The following ST18 variants were observed in gnomAD, a reference collection of about 807,000 sequenced individuals.
ST18 encodes the protein ST18 C2H2C-type zinc finger transcription factor.
ST18 carries 50 observed loss-of-function variants against 110.0 expected under a neutral mutation model. The ratio of observed to expected loss-of-function variants is 0.45; its 90% CI spans 0.36 to 0.58. The LOEUF is 0.58. Among genes scored for constraint, ST18 ranks in the 20% least tolerant of loss-of-function variants. The probability of loss-of-function intolerance (pLI) is 0.00; values close to 1 mark genes in which losing one functional copy is unlikely to be tolerated. For synonymous variants in ST18, 461 were observed against 452.4 expected, an observed-to-expected ratio of 1.02 and a Z score of -0.24; for missense variants, 1,306 against 1,280.1, an observed-to-expected ratio of 1.02 and a Z score of -0.31.
intron 2 of ST18, chr8:52,248,425 A>C (rs1424365868): frequency 6.6e-6 from 1 of 152,184 alleles, no homozygotes; most frequent in African/African-American, 2.4e-5. Flanking sequence ...GAGTTTATTA[A>C]ACCACTGACA....
At chr8:52,260,133 A>C (rs2094640984) in intron 2 of ST18, among the ~76,000 whole-genome samples, 1 of 152,212 alleles carries the variant, frequency 6.6e-6, no homozygotes, top group African/African-American at 2.4e-5. Flanking sequence ...ACATAATCTA[A>C]AATGAATATG....
Position 52,270,999 on chromosome 8 carries a change from C to T in ST18, c.-464-40922G>A, listed in dbSNP as rs532389194. ...CAAGCTCCTCCACCTCCCAGGTTCA[C>T]GCCATTCTCCTGCCTCAGCCTCCCG... On this transcript the variant is annotated intron_variant, in intron 2 of 25. Coordinates refer to ENST00000689386, the MANE Select transcript of ST18 (RefSeq NM_001352837.2). Among the ~76,000 whole-genome samples the T allele has an allele frequency of 9.9e-5, 15 of 151,708 alleles. No individual in the cohort carries two copies. The South Asian group carries it at 1.7e-3, about 17-fold the overall frequency.
chr8:52,179,328 G>A (rs891516180), intron 9 of ST18, among the ~76,000 whole-genome samples: 60 of 152,198 alleles, frequency 3.9e-4, no homozygotes, highest in African/African-American at 1.2e-3. Context: ...GTTTTGAAAC[G>A]TAACTACTTT....
chr8:52,180,877 G>C (rs971653397), intron 8 of ST18, among the ~76,000 whole-genome samples: 3 of 152,196 alleles, frequency 2.0e-5, no homozygotes, highest in African/African-American at 7.2e-5. Context: ...CAAAAAAAGT[G>C]GAAAGATGCT....
At chr8:52,238,811 C>T (rs1329620511) in intron 2 of ST18, among the ~76,000 whole-genome samples, 2 of 135,470 alleles carry the variant, frequency 1.5e-5, no homozygotes, top group Non-Finnish European at 3.0e-5. Context: ...ATGATGTATG[C>T]ACATGGACAT....
intron 17 of ST18, 168 bp from the exon 18 acceptor site, chr8:52,137,651 G>GGCCGGGCGCGGTGGCTC: frequency 1.8e-6 from 1 of 567,546 alleles, no homozygotes; most frequent in Non-Finnish European, 3.0e-6. Context: ...AGAACCAGTG[G>GGCCGGGCGCGGTGGCTC]ACTACCTGAA....
At chr8:52,195,668 C>T (rs549135696) in intron 8 of ST18, among the ~76,000 whole-genome samples, 3 of 152,088 alleles carry the variant, frequency 2.0e-5, no homozygotes, top group South Asian at 4.1e-4. Context: ...ATTGTATCTG[C>T]TAAAAAATAT....
chr8:52,246,000 A>G (rs2093813437), intron 2 of ST18, among the ~76,000 whole-genome samples: 1 of 152,140 alleles, frequency 6.6e-6, no homozygotes, highest in Admixed American at 6.5e-5. Flanking sequence ...ACCCTAACAG[A>G]ACAAATGTTC....
At chr8:52,318,154 A>T (rs2096062628) in intron 2 of ST18, among the ~76,000 whole-genome samples, 1 of 152,226 alleles carries the variant, frequency 6.6e-6, no homozygotes, top group Non-Finnish European at 1.5e-5. Flanking sequence ...AATATCCAGC[A>T]TCTATAAGCA....
intron 2 of ST18, among the ~76,000 whole-genome samples, chr8:52,377,132 A>C (rs1223422290): frequency 6.6e-6 from 1 of 152,244 alleles, no homozygotes; most frequent in Non-Finnish European, 1.5e-5. Context: ...CATGGAAAAA[A>C]TTGGTGATGT....
intron 2 of ST18, among the ~76,000 whole-genome samples, chr8:52,274,478 T>C (rs2095173609): frequency 7.0e-6 from 1 of 141,942 alleles, no homozygotes; most frequent in South Asian, 2.1e-4. Flanking sequence ...CAGTAATGAG[T>C]GTAACAGAAA....
Position 52,158,956 on chromosome 8 carries a change from G to A in ST18, c.1748C>T (p.Thr583Ile), listed in dbSNP as rs574049581. 1.2e-6 allele frequency: 2 copies of A among 1,613,948 alleles called. No individual in the cohort carries two copies. Among genetic ancestry groups the A allele is most frequent in the African/African-American group, 2.7e-5 (2 of 74,934 alleles). ...AAAAAILNLS[T>I]RCREATDILS... ...GATGTCTGTGGCTTCCCTGCAGCGG[G>A]TGGAAAGGTTCAGGATGGCAGCAGC... The change falls in exon 15 of 26, where the codon ACC becomes ATC. Residue 583 changes from threonine (T) to isoleucine (I), a missense_variant. Transcript: ENST00000689386.
In ST18 at chr8:52,119,088, T is replaced by A. The variant is rs538574832; in HGVS notation, c.2756-647A>T. ...AAAATGTAATTTAGGGGGAAGGACA[T>A]CAGCTTGGGAGTTTGACTCCTGTTC... On this transcript the variant is annotated intron_variant, in intron 23 of 25. Transcript: ENST00000689386. 5.9e-5 allele frequency among the ~76,000 whole-genome samples: 9 copies of A among 152,260 alleles called. No homozygotes were observed. The South Asian group carries it at 1.7e-3, about 28-fold the overall frequency.
intron 2 of ST18, among the ~76,000 whole-genome samples, chr8:52,370,213 C>T (rs961577343): frequency 1.1e-4 from 17 of 152,132 alleles, no homozygotes; most frequent in Non-Finnish European, 4.4e-5. Flanking sequence ...AGGGGTCTAG[C>T]GTCTAATAAG....
chr8:52,200,260 A>G (rs915262429), intron 8 of ST18, among the ~76,000 whole-genome samples: 1 of 152,200 alleles, frequency 6.6e-6, no homozygotes, highest in Admixed American at 6.5e-5. Context: ...TTTTTTTCAT[A>G]AAAAATAAAG....
At chr8:52,342,588 A>T (rs1303890847) in intron 2 of ST18, among the ~76,000 whole-genome samples, 1 of 152,244 alleles carries the variant, frequency 6.6e-6, no homozygotes, top group Non-Finnish European at 1.5e-5. Flanking sequence ...CCAGCTGGGC[A>T]GCACATATCA....
chr8:52,280,899 T>C (rs897013897), intron 2 of ST18, among the ~76,000 whole-genome samples: 1 of 152,090 alleles, frequency 6.6e-6, no homozygotes, highest in African/African-American at 2.4e-5. Context: ...ATACCCCCAG[T>C]ATTCTTTATA....
intron 8 of ST18, among the ~76,000 whole-genome samples, chr8:52,209,398 A>T (rs2081295174): frequency 6.6e-6 from 1 of 152,172 alleles, no homozygotes; most frequent in Non-Finnish European, 1.5e-5. Flanking sequence ...TTTCTGCCTA[A>T]TAAGGCTATC....
In ST18 at chr8:52,266,540, C is replaced by CTT. The variant is rs759084646; in HGVS notation, c.-464-36465_-464-36464dup. 5.5e-3 allele frequency among the ~76,000 whole-genome samples: 727 copies of CTT among 131,250 alleles called. 9 individuals carry two copies. Among genetic ancestry groups the CTT allele is most frequent in the Middle Eastern group, 0.02 (5 of 246 alleles). The allele number at this position is 131,250 out of a possible 152,430, so 86.1% of individuals were successfully genotyped here. ...GGGAAGGATCGCAGAGTTTCTGCCACTTTTTTTTTTTTTTTTTTTGAGACA... is the reference window on the plus strand; with the variant it reads ...GGGAAGGATCGCAGAGTTTCTGCCACTTTTTTTTTTTTTTTTTTTTTGAGACA... On this transcript the variant is annotated intron_variant, in intron 2 of 25. Coordinates refer to ENST00000689386, the MANE Select transcript of ST18 (RefSeq NM_001352837.2).
Sources: gnomAD v4.1 joint callset for allele counts (sites outside exome capture counted in the v4.1 genomes callset) on GRCh38, gnomAD v4.1.1 for gene constraint, MANE v1.5 for transcripts, NCBI Gene and HGNC (gene_info 2026-07-23, HGNC 2026-07-21) for gene names.